DDX39B: variants seen among roughly 807,000 people sequenced by gnomAD.
DDX39B encodes DExD-box helicase 39B.
DDX39B carries 6 observed loss-of-function variants against 46.4 expected under a neutral mutation model. The observed-to-expected ratio is 0.13, with a 90% CI of 0.07 to 0.26. The LOEUF (loss-of-function observed/expected upper bound fraction) is 0.26. DDX39B is among the 10% of genes least tolerant of loss of function. DDX39B has a pLI of 1.00. For synonymous variants in DDX39B, 174 were observed against 199.4 expected (o/e 0.87, Z 1.07); for missense variants, 185 against 553.4 (o/e 0.33, Z 6.68).
In DDX39B at chr6:31,535,584, A is replaced by C; in HGVS notation, c.617-99T>G. 1 of 875,070 alleles carries C rather than the reference A, an allele frequency of 1.1e-6. No individual in the cohort carries two copies. The highest frequency in any genetic ancestry group is 1.8e-6 in the Non-Finnish European group (1 of 542,194). 54.2% of individuals were successfully genotyped at this position (875,070 alleles called of 1,614,324 possible). A position where few individuals can be genotyped will look rare whatever the true frequency, so the allele number is the denominator to read the frequency against. On this transcript the variant is annotated intron_variant, in intron 5 of 10. Coordinates refer to ENST00000396172, the MANE Select transcript of DDX39B (RefSeq NM_004640.7). The surrounding 1 kb of genome is among the most constrained non-coding windows in gnomAD (Gnocchi z 4.6). ...CAGTGAGGTGAAGATTGCTGGAAATAGTAACAACACAATGGAAAGAGCAAT... is the reference window on the plus strand; with the variant it reads ...CAGTGAGGTGAAGATTGCTGGAAATCGTAACAACACAATGGAAAGAGCAAT...
intron 4 of DDX39B, among the ~76,000 whole-genome samples, chr6:31,537,816 A>C (rs1767952093): frequency 6.6e-6 from 1 of 152,098 alleles, no homozygotes; most frequent in Non-Finnish European, 1.5e-5. Flanking sequence ...TGGGTGGATC[A>C]CTTGAGGTCA....
In DDX39B at chr6:31,534,447, C is replaced by A. The variant is rs755897745; in HGVS notation, c.735+920G>T. The A allele has an allele frequency of 8.5e-6, 4 of 470,742 alleles. No homozygotes were observed. Among genetic ancestry groups the A allele is most frequent in the African/African-American group, 2.0e-5 (1 of 50,016 alleles). The allele number at this position is 470,742 out of a possible 1,614,324, so 29.2% of individuals were successfully genotyped here. On this transcript the variant is annotated intron_variant, in intron 6 of 10. Coordinates refer to ENST00000396172, the MANE Select transcript of DDX39B (RefSeq NM_004640.7). The surrounding 1 kb of genome is among the most constrained non-coding windows in gnomAD (Gnocchi z 5.1). ...TGCTTATGCAATTGGCCCCACCTAG[C>A]CCCAAACCCTAACAACCACCCGATT...
intron 7 of DDX39B, among the ~76,000 whole-genome samples, chr6:31,532,099 T>C (rs913688454): frequency 1.3e-5 from 2 of 152,164 alleles, no homozygotes; most frequent in Non-Finnish European, 1.5e-5. Flanking sequence ...CCCAAAGTAC[T>C]GGGATTATGG....
At chr6:31,537,827 G>A (rs1202993631) in intron 4 of DDX39B, among the ~76,000 whole-genome samples, 1 of 152,130 alleles carries the variant, frequency 6.6e-6, no homozygotes. Flanking sequence ...CTTGAGGTCA[G>A]GAGTTCGAGA....
In DDX39B at chr6:31,531,602, A is replaced by C; in HGVS notation, c.868-197T>G. 1.7e-6 allele frequency: 1 copy of C among 594,542 alleles called. No homozygotes were observed. Among genetic ancestry groups the C allele is most frequent in the Non-Finnish European group, 2.9e-6 (1 of 341,848 alleles). 36.8% of individuals were successfully genotyped at this position (594,542 alleles called of 1,614,324 possible). On this transcript the variant is annotated intron_variant, in intron 7 of 10. Transcript: ENST00000396172. This position sits in a 1 kb window ranked among gnomAD's most constrained non-coding sequence, Gnocchi z 5.8. ...CTTCAGCACTGATTTTTCCCTAAGG[A>C]AGCTGGCCTCTGAGGTAGCACAGAG...
At chr6:31,538,220 A>G (rs1159147269) in intron 4 of DDX39B, among the ~76,000 whole-genome samples, 2 of 152,006 alleles carry the variant, frequency 1.3e-5, no homozygotes, top group African/African-American at 4.8e-5. Flanking sequence ...TAATGGCACA[A>G]TCCCAGCTCA....
chr6:31,537,384 C>T (rs1767901720), intron 4 of DDX39B, among the ~76,000 whole-genome samples: 1 of 152,140 alleles, frequency 6.6e-6, no homozygotes, highest in African/African-American at 2.4e-5. Flanking sequence ...CGAGATTGAG[C>T]CACTGTACTC....
chr6:31,533,040 C>T lies in DDX39B; in HGVS notation c.736-129G>A, dbSNP rs1562407746. ...GGGGAGGAAAGAGAAGATTGAAAAC[C>T]CCACCCCACTCCCAAAAATACCCAC... On this transcript the variant is annotated intron_variant, in intron 6 of 10. Coordinates refer to ENST00000396172, the MANE Select transcript of DDX39B (RefSeq NM_004640.7). The T allele has an allele frequency of 8.1e-6, 5 of 618,822 alleles. No individual in the cohort carries two copies. The Admixed American group carries it at 9.3e-5, about 12-fold the overall frequency. The allele number at this position is 618,822 out of a possible 1,614,324, so 38.3% of individuals were successfully genotyped here. A position where few individuals can be genotyped will look rare whatever the true frequency, so the allele number is the denominator to read the frequency against.
At chr6:31,540,910 G>A (rs1450064199) in intron 1 of DDX39B, 2 of 402,688 alleles carry the variant, frequency 5.0e-6, no homozygotes, top group Non-Finnish European at 9.3e-6. Context: ...AAGTTGGAAG[G>A]GGAAGACCAA....
At chr6:31,533,099 T>C in intron 6 of DDX39B, 188 bp from the exon 7 acceptor site, 2 of 519,734 alleles carry the variant, frequency 3.8e-6, no homozygotes, top group East Asian at 3.7e-5. Flanking sequence ...TTACATCTAA[T>C]TTCCTTCCTA....
intron 7 of DDX39B, chr6:31,532,530 G>A (rs1178944607): frequency 7.5e-6 from 3 of 400,184 alleles, no homozygotes; most frequent in Middle Eastern, 7.6e-4. Flanking sequence ...ATAAGCCACC[G>A]TGCCTGGCCA....
chr6:31,536,614 T>C lies in DDX39B; in HGVS notation c.502A>G (p.Ile168Val). ...EEVLKKNCPH[I>V]VVGTPGRILA... ...ATACGGCCTGGAGTCCCCACGACGATATGCGGGCAGTTCTTCTTCAGCACC... is the reference window on the plus strand; with the variant it reads ...ATACGGCCTGGAGTCCCCACGACGACATGCGGGCAGTTCTTCTTCAGCACC... The change falls in exon 5 of 11, where the codon ATC (isoleucine) becomes GTC (valine). Residue 168 changes from isoleucine to valine, a missense_variant. Transcript: ENST00000396172. 1.9e-6 allele frequency: 3 copies of C among 1,613,220 alleles called. No homozygotes were observed. The highest frequency in any genetic ancestry group is 2.5e-6 in the Non-Finnish European group (3 of 1,180,030).
chr6:31,538,969 G>A, intron 3 of DDX39B, 114 bp from the exon 4 acceptor site: 2 of 1,466,328 alleles, frequency 1.4e-6, no homozygotes, highest in Non-Finnish European at 1.9e-6. Flanking sequence ...CTTCAATTAT[G>A]TGATCTAAAT....
chr6:31,531,525 TTC>T lies in DDX39B; in HGVS notation c.868-122_868-121del. 3.9e-6 allele frequency: 3 copies of T among 777,634 alleles called. No homozygotes were observed. Among genetic ancestry groups the T allele is most frequent in the South Asian group, 1.7e-5 (1 of 58,976 alleles). The allele number at this position is 777,634 out of a possible 1,614,324, so 48.2% of individuals were successfully genotyped here. ...TACGTTCTCAGGAATTCCTCTTCAT[TTC>T]TCTTATTCCCCCACTATATATTTAG... is the stretch of plus-strand genomic sequence containing the variant. On this transcript the variant is annotated intron_variant, in intron 7 of 10. Transcript: ENST00000396172. This position sits in a 1 kb window ranked among gnomAD's most constrained non-coding sequence, Gnocchi z 5.8.
At chr6:31,541,666 T>C (rs1003091793) in intron 1 of DDX39B, 4 of 497,650 alleles carry the variant, frequency 8.0e-6, no homozygotes, top group African/African-American at 5.9e-5. Flanking sequence ...CCGCCTCTCA[T>C]TGATGCTGAG....
At position 31,536,699 on chromosome 6, in the gene DDX39B, CAA is replaced by C. The variant is rs9279337; in HGVS notation, c.433-18_433-17del. 38,140 of 1,611,144 alleles carry C rather than the reference CAA, an allele frequency of 0.024. 596 individuals are homozygous for C. The highest frequency in any genetic ancestry group is 0.029 in the African/African-American group (2,188 of 74,882). On this transcript the variant is annotated splice_polypyrimidine_tract_variant and intron_variant, in intron 4 of 10. Transcript: ENST00000396172. ...AAACAGCAACCTGCCGAGCCAGAAG[CAA>C]AGAGTCTCAAAACAGAGGAAGGAAA... is the stretch of plus-strand genomic sequence containing the variant.
At chr6:31,538,886 T>C in intron 3 of DDX39B, 31 bp from the exon 4 acceptor site, 2 of 1,599,036 alleles carry the variant, frequency 1.3e-6, no homozygotes, top group Non-Finnish European at 8.6e-7. Flanking sequence ...AGACATATGG[T>C]AAATGTAGCT....
chr6:31,530,562 C>T lies in DDX39B; in HGVS notation c.1271-112G>A, dbSNP rs1272785779. On this transcript the variant is annotated intron_variant, in intron 10 of 10. Coordinates refer to ENST00000396172, the MANE Select transcript of DDX39B (RefSeq NM_004640.7). This position sits in a 1 kb window ranked among gnomAD's most constrained non-coding sequence, Gnocchi z 4.5. ...GTACTGCCTGGGTTCAGAGGACGGACGTGGGGGTGAGGGAAGGGATGTAAT... is the reference window on the plus strand; with the variant it reads ...GTACTGCCTGGGTTCAGAGGACGGATGTGGGGGTGAGGGAAGGGATGTAAT... The T allele has an allele frequency of 1.2e-5, 18 of 1,471,708 alleles. No homozygotes were observed. The highest frequency in any genetic ancestry group is 1.8e-4 in the Middle Eastern group (1 of 5,590). 91.2% of individuals were successfully genotyped at this position (1,471,708 alleles called of 1,614,324 possible). A position where few individuals can be genotyped will look rare whatever the true frequency, so the allele number is the denominator to read the frequency against.
rs757540967 is a variant in DDX39B at position 31,540,453 on chromosome 6, G to A, written c.80C>T (p.Ala27Val). 1 of 1,614,168 alleles carries A rather than the reference G, an allele frequency of 6.2e-7. No individual in the cohort carries two copies. Among genetic ancestry groups the A allele is most frequent in the African/African-American group, 1.3e-5 (1 of 75,044 alleles). ...EVETAAGGDG[A>V]EAPAKKDVKG... The stretch of plus-strand genomic sequence containing the variant: ...GACATCCTTCTTGGCAGGGGCCTCA[G>A]CCCCATCTCCCCCAGCTGCTGTCTC... The change falls in exon 2 of 11, where the codon GCT becomes GTT. Residue 27 changes from alanine (A) to valine (V), a missense_variant. This residue lies in a region of DDX39B where 30 missense variants were observed against 41.6 expected (regional missense o/e 0.72). Transcript: ENST00000396172.
Sources: gnomAD v4.1 joint callset for allele counts (sites outside exome capture counted in the v4.1 genomes callset) on GRCh38, gnomAD v4.1.1 for gene constraint, gnomAD v4.1.1 regional missense constraint, Gnocchi (gnomAD v3.1) non-coding constraint, MANE v1.5 for transcripts, NCBI Gene and HGNC (gene_info 2026-07-23, HGNC 2026-07-21) for gene names.